Variants in PSD2 observed in about 807,000 individuals in gnomAD.
PSD2 encodes PH and SEC7 domain-containing protein 2.
PSD2 carries 38 observed loss-of-function variants against 69.8 expected under a neutral mutation model. That is an observed-to-expected ratio of 0.54 (90% CI 0.42 to 0.71). The LOEUF is 0.71. PSD2 is among the 30% of genes least tolerant of loss of function. PSD2 has a pLI of 0.00. For missense variants in PSD2, 943 were observed against 1,014.5 expected, an observed-to-expected ratio of 0.93 and a Z score of 0.96; for synonymous variants, 412 against 423.0, an observed-to-expected ratio of 0.97 and a Z score of 0.32.
the PSD2 span, among the ~76,000 whole-genome samples, chr5:139,773,288 G>T: frequency 1.5e-4 from 23 of 151,480 alleles, no homozygotes; most frequent in Non-Finnish European, 2.7e-4. Context: ...TTTAGATTGG[G>T]TCTCGCTTTT....
the PSD2 span, among the ~76,000 whole-genome samples, chr5:139,764,981 G>A: frequency 1.3e-5 from 2 of 152,106 alleles, no homozygotes; most frequent in Admixed American, 6.5e-5. Context: ...CAGGGCTTCA[G>A]TGTGACCCCA....
chr5:139,762,015 T>C, the PSD2 span, among the ~76,000 whole-genome samples: 44 of 152,310 alleles, frequency 2.9e-4, no homozygotes, highest in Non-Finnish European at 5.1e-4. Context: ...GCCTGACAGA[T>C]AGTAAGCATT....
upstream of PSD2, among the ~76,000 whole-genome samples, chr5:139,791,777 C>A (rs1759420149): frequency 6.6e-6 from 1 of 152,202 alleles, no homozygotes; most frequent in Admixed American, 6.5e-5. Context: ...GTGCAGTGCC[C>A]AGCCTGCACA....
chr5:139,754,252 A>G, the PSD2 span, among the ~76,000 whole-genome samples: 1 of 152,290 alleles, frequency 6.6e-6, no homozygotes, highest in African/African-American at 2.4e-5. Flanking sequence ...CAACATGGGG[A>G]AACCCCATCT....
chr5:139,836,600 G>A (rs887417490), intron 9 of PSD2, among the ~76,000 whole-genome samples: 1 of 152,086 alleles, frequency 6.6e-6, no homozygotes, highest in Non-Finnish European at 1.5e-5. Flanking sequence ...AAAGATCAGA[G>A]GTCAGAGGTC....
chr5:139,809,033 G>T (rs1409732777), intron 1 of PSD2, among the ~76,000 whole-genome samples: 1 of 152,228 alleles, frequency 6.6e-6, no homozygotes, highest in Non-Finnish European at 1.5e-5. Flanking sequence ...TCACTCACCA[G>T]CGGGAATGGG....
Position 139,830,557 on chromosome 5 carries a change from C to CTTT in PSD2, c.1270-3145_1270-3144insTTT, listed in dbSNP as rs1561605159. On this transcript the variant is annotated intron_variant, in intron 7 of 14. Transcript: ENST00000274710. Reference sequence around the variant, plus strand: ...TCCTTCCTTCCTTCCTTCCTTCCTTCCTTCCTTCCTTTCTTTCTTTCTTTC... The same window carrying CTTT: ...TCCTTCCTTCCTTCCTTCCTTCCTTCTTTCTTCCTTCCTTTCTTTCTTTCTTTC... Among the ~76,000 whole-genome samples, 98 of 133,056 alleles carry CTTT rather than the reference C, an allele frequency of 7.4e-4. No individual in the cohort carries two copies. The East Asian group carries it at 0.016, about 22-fold the overall frequency. The allele number at this position is 133,056 out of a possible 152,430, so 87.3% of individuals were successfully genotyped here.
intron 1 of PSD2, among the ~76,000 whole-genome samples, chr5:139,804,915 G>A (rs1029248844): frequency 1.3e-5 from 2 of 151,628 alleles, no homozygotes; most frequent in African/African-American, 2.4e-5. Flanking sequence ...GTGTGTGCAT[G>A]TCTGTGAACG....
In PSD2 at chr5:139,822,748, T is replaced by G; in HGVS notation, c.1233T>G (p.Cys411Trp). 1 of 1,611,196 alleles carries G rather than the reference T, an allele frequency of 6.2e-7. No homozygotes were observed. The highest frequency in any genetic ancestry group is 8.5e-7 in the Non-Finnish European group (1 of 1,178,612). ...TSEDGIHTLTCALMLLNTDLH... is the reference protein window; with the variant it reads ...TSEDGIHTLTWALMLLNTDLH... Reference sequence around the variant, plus strand: ...CAGATGGGATCCACACGCTCACCTGTGCCCTGATGCTGCTCAACACGGACC... The same window carrying G: ...CAGATGGGATCCACACGCTCACCTGGGCCCTGATGCTGCTCAACACGGACC... Residue 411 changes from cysteine (C) to tryptophan (W), a missense_variant, in exon 7 of 15, where the codon TGT becomes TGG. Physicochemically the swap from Cys to Trp is radical, Grantham distance 215. Coordinates refer to ENST00000274710, the MANE Select transcript of PSD2 (RefSeq NM_032289.4).
the PSD2 span, among the ~76,000 whole-genome samples, chr5:139,747,215 G>T: frequency 1.3e-5 from 2 of 151,888 alleles, no homozygotes; most frequent in South Asian, 4.2e-4. This position sits in a 1 kb window ranked among gnomAD's most constrained non-coding sequence, Gnocchi z 6.7. Context: ...TCCTCTCTTT[G>T]TCTGTCTGAC....
chr5:139,818,553 C>G (rs1760181814), intron 5 of PSD2, among the ~76,000 whole-genome samples: 1 of 152,114 alleles, frequency 6.6e-6, no homozygotes, highest in Non-Finnish European at 1.5e-5. Flanking sequence ...CTCAAAGAAA[C>G]AAACAAACAA....
chr5:139,791,347 T>C (rs1256665188), upstream of PSD2, among the ~76,000 whole-genome samples: 2 of 152,118 alleles, frequency 1.3e-5, no homozygotes, highest in Admixed American at 1.3e-4. Flanking sequence ...GGAGGATCGC[T>C]TGAGCCTGGG....
Position 139,843,448 on chromosome 5 carries a change from T to C in PSD2, c.*974T>C, listed in dbSNP as rs941594173. The stretch of plus-strand genomic sequence containing the variant: ...TGTGAGTCGGATGGGACCACGGCCC[T>C]GTTTATATTTGGGTCTTTATGTTGG... On this transcript the variant is annotated 3_prime_UTR_variant, in exon 15 of 15. Transcript: ENST00000274710. 4 of 152,256 alleles carry C rather than the reference T, an allele frequency of 2.6e-5. No individual in the cohort carries two copies. The highest frequency in any genetic ancestry group is 7.2e-5 in the African/African-American group (3 of 41,452). 9.4% of individuals were successfully genotyped at this position (152,256 alleles called of 1,614,324 possible).
the PSD2 span, among the ~76,000 whole-genome samples, chr5:139,754,561 G>T: frequency 1.3e-5 from 2 of 152,074 alleles, no homozygotes; most frequent in Non-Finnish European, 2.9e-5. Context: ...CTGGGGCGTG[G>T]TGGTGCGTGT....
the PSD2 span, among the ~76,000 whole-genome samples, chr5:139,750,235 G>A: frequency 6.6e-6 from 1 of 152,166 alleles, no homozygotes; most frequent in Non-Finnish European, 1.5e-5. Context: ...TGAGGCAGGA[G>A]AATGGGGTGA....
chr5:139,803,466 C>T (rs928897224), intron 1 of PSD2, among the ~76,000 whole-genome samples: 1 of 152,248 alleles, frequency 6.6e-6, no homozygotes, highest in Admixed American at 6.5e-5. Flanking sequence ...CACATGCCAT[C>T]TCCTTTAGTC....
At chr5:139,815,924 GC>G (rs1455072356) in intron 4 of PSD2, among the ~76,000 whole-genome samples, 1 of 151,266 alleles carries the variant, frequency 6.6e-6, no homozygotes, top group Non-Finnish European at 1.5e-5. Flanking sequence ...ATCCTGGGAG[GC>G]GGAGGTTGCA....
chr5:139,819,544 C>T (rs1214332830), intron 5 of PSD2, among the ~76,000 whole-genome samples: 1 of 152,210 alleles, frequency 6.6e-6, no homozygotes, highest in Non-Finnish European at 1.5e-5. Flanking sequence ...TCTCCAGCCT[C>T]TTGAAGCCAC....
chr5:139,797,824 G>T (rs1356519165), intron 1 of PSD2, among the ~76,000 whole-genome samples: 3 of 152,184 alleles, frequency 2.0e-5, no homozygotes, highest in African/African-American at 7.2e-5. Flanking sequence ...AGAACTGTCT[G>T]ATACTCAGAC....
Sources: gnomAD v4.1 joint callset for allele counts (sites outside exome capture counted in the v4.1 genomes callset) on GRCh38, gnomAD v4.1.1 for gene constraint, Gnocchi (gnomAD v3.1) non-coding constraint, MANE v1.5 for transcripts, NCBI Gene and HGNC (gene_info 2026-07-23, HGNC 2026-07-21) for gene names.